Variants in ABI3BP observed in about 807,000 individuals in gnomAD.
ABI3BP encodes the protein ABI family member 3 binding protein.
A neutral mutation model predicts 268.6 loss-of-function variants in ABI3BP; 216 were observed. That is an observed-to-expected ratio of 0.80 (90% confidence interval 0.72 to 0.90). The LOEUF is 0.90. Among genes scored for constraint, ABI3BP ranks in the 40% least tolerant of loss-of-function variants. The pLI is 0.00. For missense variants in ABI3BP, 2,090 were observed against 2,182.4 expected, an observed-to-expected ratio of 0.96 and a Z score of 0.84; for synonymous variants, 730 against 730.0, an observed-to-expected ratio of 1.00 and a Z score of 0.00.
chr3:100,935,728 C>T (rs1417238935), intron 1 of ABI3BP, among the ~76,000 whole-genome samples: 1 of 151,670 alleles, frequency 6.6e-6, no homozygotes, highest in Admixed American at 6.6e-5. Context: ...GTATTTTATT[C>T]TCTTTGTAGC....
At chr3:100,946,788 CAAA>C (rs71800962) in intron 1 of ABI3BP, among the ~76,000 whole-genome samples, 2 of 87,098 alleles carry the variant, frequency 2.3e-5, no homozygotes, top group Admixed American at 1.3e-4. Flanking sequence ...AACTCCGTTT[CAAA>C]AAAAAAAAAA....
chr3:100,985,009 C>T (rs2091156280), intron 1 of ABI3BP, among the ~76,000 whole-genome samples: 1 of 152,090 alleles, frequency 6.6e-6, no homozygotes, highest in Non-Finnish European at 1.5e-5. Context: ...AGAAACTCCT[C>T]TGGTTTTTCT....
chr3:100,795,084 C>T (rs920802450), intron 53 of ABI3BP, 81 bp from the exon 54 acceptor site: 7 of 866,028 alleles, frequency 8.1e-6, no homozygotes, highest in African/African-American at 7.1e-5. Flanking sequence ...CATGAAATTC[C>T]TTCATTTGAA....
intron 51 of ABI3BP, among the ~76,000 whole-genome samples, chr3:100,800,656 T>C (rs2097507465): frequency 6.6e-6 from 1 of 152,062 alleles, no homozygotes; most frequent in African/African-American, 2.4e-5. Context: ...TTTTTGTATG[T>C]TTTAAGTAGA....
chr3:100,832,311 G>C lies in ABI3BP; in HGVS notation c.2354C>G (p.Pro785Arg). 1 of 1,535,466 alleles carries C rather than the reference G, an allele frequency of 6.5e-7. No individual in the cohort carries two copies. Among genetic ancestry groups the C allele is most frequent in the Non-Finnish European group, 8.7e-7 (1 of 1,146,542 alleles). The change falls in exon 31 of 68, where the codon CCC (proline) becomes CGC (arginine). Residue 785 changes from proline to arginine, a missense_variant. By Grantham distance (103) the Pro-to-Arg change is moderately radical. Coordinates refer to ENST00000471714, the MANE Select transcript of ABI3BP (RefSeq NM_001375547.2). ...TTTKRTRRPH[P>R]KPKTTPHPEV... ...TGGATGGGGCGTGGTTTTAGGTTTGGGATGTGGACGACGGGTTCTTTTTGT... is the reference window on the plus strand; with the variant it reads ...TGGATGGGGCGTGGTTTTAGGTTTGCGATGTGGACGACGGGTTCTTTTTGT...
At chr3:100,840,217 A>G in intron 22 of ABI3BP, 53 bp from the exon 23 acceptor site, 1 of 1,301,906 alleles carries the variant, frequency 7.7e-7, no homozygotes. Flanking sequence ...TTACAAACTG[A>G]TGATAAATAT....
intron 53 of ABI3BP, among the ~76,000 whole-genome samples, chr3:100,795,209 A>T (rs1333390965): frequency 1.3e-5 from 2 of 152,054 alleles, no homozygotes. Context: ...ACTACATGAC[A>T]TTCTGTTCTT....
At chr3:100,819,106 A>G (rs2098132953) in intron 40 of ABI3BP, among the ~76,000 whole-genome samples, 1 of 152,192 alleles carries the variant, frequency 6.6e-6, no homozygotes, top group Non-Finnish European at 1.5e-5. Context: ...TCTAATCATA[A>G]AAGTGCAGGA....
rs1289112210 is a variant in ABI3BP at position 100,862,306 on chromosome 3, A to T, written c.1285+5T>A. 3.2e-6 allele frequency: 5 copies of T among 1,583,228 alleles called. No homozygotes were observed. The East Asian group carries it at 1.1e-4, about 36-fold the overall frequency. On this transcript the variant is annotated splice_donor_5th_base_variant and intron_variant, in intron 14 of 67. Transcript: ENST00000471714. ...TCGATTTTTTTAAGAAAAGGATTTAATTACCAGTTTGAGGCTGCAGAACTT... is the reference window on the plus strand; with the variant it reads ...TCGATTTTTTTAAGAAAAGGATTTATTTACCAGTTTGAGGCTGCAGAACTT...
intron 40 of ABI3BP, among the ~76,000 whole-genome samples, chr3:100,819,162 C>A (rs2098134284): frequency 6.6e-6 from 1 of 152,150 alleles, no homozygotes; most frequent in Non-Finnish European, 1.5e-5. Flanking sequence ...ACTTCCGAGT[C>A]ATATCTTCAA....
chr3:100,806,457 C>T lies in ABI3BP; in HGVS notation c.3683-1591G>A, dbSNP rs532144611. Among the ~76,000 whole-genome samples the T allele has an allele frequency of 5.3e-5, 8 of 152,072 alleles. No homozygotes were observed. In the South Asian group the frequency reaches 1.7e-3, roughly 32 times the overall value. The stretch of plus-strand genomic sequence containing the variant: ...GATATATATGTGTACATATACACAC[C>T]TCCTTGAAAGACTATAAAAATCCAG... On this transcript the variant is annotated intron_variant, in intron 50 of 67. Transcript: ENST00000471714.
At chr3:100,914,263 T>C (rs1473683192) in intron 2 of ABI3BP, among the ~76,000 whole-genome samples, 1 of 152,232 alleles carries the variant, frequency 6.6e-6, no homozygotes. Flanking sequence ...TTATTTCCTT[T>C]AAACATTACA....
chr3:100,948,061 T>C (rs529055043), intron 1 of ABI3BP, among the ~76,000 whole-genome samples: 2 of 152,260 alleles, frequency 1.3e-5, no homozygotes, highest in South Asian at 2.1e-4. Flanking sequence ...AGGAAGTAGA[T>C]GATGGATTTA....
intron 63 of ABI3BP, among the ~76,000 whole-genome samples, chr3:100,760,317 G>A (rs192751854): frequency 1.3e-5 from 2 of 152,308 alleles, no homozygotes; most frequent in Admixed American, 1.3e-4. Context: ...TAAGGAGAGA[G>A]GTGAGTTCAT....
chr3:100,977,995 G>A (rs2087132993), intron 1 of ABI3BP, among the ~76,000 whole-genome samples: 1 of 152,106 alleles, frequency 6.6e-6, no homozygotes, highest in Admixed American at 6.5e-5. Flanking sequence ...AAAGGCATCT[G>A]TCTAGACAGC....
chr3:100,791,149 C>T (rs972757035), intron 55 of ABI3BP, among the ~76,000 whole-genome samples: 3 of 151,654 alleles, frequency 2.0e-5, no homozygotes, highest in African/African-American at 7.3e-5. Context: ...TATGTTAAGA[C>T]AATTTATATA....
chr3:100,815,835 C>T (rs1483463500), intron 44 of ABI3BP, 77 bp downstream of exon 44: 5 of 1,024,894 alleles, frequency 4.9e-6, no homozygotes, highest in Non-Finnish European at 6.9e-6. Context: ...GCAGAAGCAA[C>T]TCTGGTCATG....
chr3:100,787,653 T>C (rs1577684454), intron 57 of ABI3BP, 75 bp downstream of exon 57: 1 of 1,205,848 alleles, frequency 8.3e-7, no homozygotes, highest in East Asian at 2.7e-5. Context: ...AAATGTGAAT[T>C]CAGCAATATC....
chr3:100,800,333 TCC>T (rs1224160480), intron 51 of ABI3BP, among the ~76,000 whole-genome samples: 18 of 152,194 alleles, frequency 1.2e-4, no homozygotes, highest in Admixed American at 2.0e-4. Flanking sequence ...TTTTAATGTC[TCC>T]TAATTGTCTA....
Sources: allele counts gnomAD v4.1 joint callset (sites outside exome capture counted in the v4.1 genomes callset), GRCh38; gene constraint gnomAD v4.1.1; transcripts MANE v1.5; gene names NCBI Gene and HGNC (gene_info 2026-07-23, HGNC 2026-07-21).